The following CCDC3 variants were observed in gnomAD, a reference collection of about 807,000 sequenced individuals.
CCDC3 encodes the protein coiled-coil domain-containing protein 3.
Under a neutral mutation model 21.4 loss-of-function variants are expected in CCDC3, and 24 were observed. The ratio of observed to expected loss-of-function variants is 1.12; its 90% CI spans 0.81 to 1.58. The LOEUF is 1.58. Ranked by LOEUF, CCDC3 falls within the 40% of genes most tolerant of loss-of-function variation. The pLI, the probability that CCDC3 is intolerant of heterozygous loss-of-function variation, is 0.00. For synonymous variants in CCDC3, 186 were observed against 166.0 expected (o/e 1.12, Z -0.93); for missense variants, 425 against 360.9 (o/e 1.18, Z -1.44).
At chr10:12,966,998 T>C (rs1020013748) in intron 2 of CCDC3, among the ~76,000 whole-genome samples, 2 of 152,218 alleles carry the variant, frequency 1.3e-5, no homozygotes, top group African/African-American at 4.8e-5. Flanking sequence ...TCCAGATCTC[T>C]TTTGCTGGAG....
At chr10:13,005,305 T>G (rs1046697034), upstream of CCDC3, among the ~76,000 whole-genome samples, 2 of 152,184 alleles carry the variant, frequency 1.3e-5, no homozygotes, top group Admixed American at 6.5e-5. Context: ...ACCATATGAG[T>G]GGAAGAGGCA....
chr10:12,931,028 T>C, intron 2 of CCDC3, among the ~76,000 whole-genome samples: 1 of 151,938 alleles, frequency 6.6e-6, no homozygotes, highest in East Asian at 1.9e-4. Flanking sequence ...CTGGCCAACA[T>C]GGCGAAACCC....
intron 2 of CCDC3, among the ~76,000 whole-genome samples, chr10:12,939,510 C>CT (rs1190398396): frequency 6.6e-6 from 1 of 152,108 alleles, no homozygotes. Flanking sequence ...GTAGTCCCAG[C>CT]TACTTGGGAG....
intron 2 of CCDC3, among the ~76,000 whole-genome samples, chr10:12,972,159 C>G (rs1835353043): frequency 2.0e-5 from 3 of 152,140 alleles, no homozygotes; most frequent in African/African-American, 7.2e-5. Context: ...ACAATCCAAC[C>G]AAGCTCACGC....
chr10:12,933,043 T>C (rs781172585), intron 2 of CCDC3, among the ~76,000 whole-genome samples: 26 of 152,264 alleles, frequency 1.7e-4, no homozygotes, highest in Non-Finnish European at 2.9e-4. Context: ...TTTTATATAC[T>C]GTTGGATTTG....
chr10:13,099,608 G>C (rs3829924), exon 1 of CCDC3: 2 of 152,094 alleles, frequency 1.3e-5, no homozygotes, highest in African/African-American at 2.4e-5. Flanking sequence ...TCCGCAACAA[G>C]AGCCCAAGAA....
chr10:12,965,318 G>C (rs1835245139), intron 2 of CCDC3, among the ~76,000 whole-genome samples: 1 of 152,050 alleles, frequency 6.6e-6, no homozygotes, highest in Admixed American at 6.6e-5. Flanking sequence ...TCTGCCTGTT[G>C]TCAGTTTATT....
chr10:12,905,939 CAT>C (rs1479364396), intron 2 of CCDC3, among the ~76,000 whole-genome samples: 1 of 152,222 alleles, frequency 6.6e-6, no homozygotes, highest in Admixed American at 6.5e-5. Context: ...TCATTATCCA[CAT>C]GATTCAGGGA....
At chr10:13,016,512 G>A (rs1836064260) in intron 5 of CCDC3, among the ~76,000 whole-genome samples, 1 of 151,994 alleles carries the variant, frequency 6.6e-6, no homozygotes, top group South Asian at 2.1e-4. Flanking sequence ...CAACGTAAAT[G>A]TTAACTCATT....
intron 2 of CCDC3, among the ~76,000 whole-genome samples, chr10:12,988,178 A>G (rs1218265360): frequency 1.3e-5 from 2 of 151,462 alleles, no homozygotes; most frequent in African/African-American, 4.9e-5. Flanking sequence ...GCTCATTCCT[A>G]TTTTTCCACC....
intron 2 of CCDC3, among the ~76,000 whole-genome samples, chr10:12,977,936 G>A (rs778538083): frequency 2.0e-5 from 3 of 152,130 alleles, no homozygotes; most frequent in Non-Finnish European, 4.4e-5. Flanking sequence ...GGGCTTGTGC[G>A]TGGATGGCGT....
intron 2 of CCDC3, among the ~76,000 whole-genome samples, chr10:12,967,309 G>T (rs1320994287): frequency 6.6e-6 from 1 of 152,062 alleles, no homozygotes; most frequent in East Asian, 1.9e-4. Context: ...TTCTTTTGGT[G>T]GTGTTATAAT....
At chr10:12,998,280 A>C in intron 2 of CCDC3, 58 bp downstream of exon 2, 1 of 1,553,192 alleles carries the variant, frequency 6.4e-7, no homozygotes, top group South Asian at 1.2e-5. Flanking sequence ...CACAAAATTC[A>C]CACAAGGTGT....
intron 2 of CCDC3, among the ~76,000 whole-genome samples, chr10:12,912,939 C>T (rs541989506): frequency 1.2e-4 from 18 of 152,278 alleles, no homozygotes; most frequent in African/African-American, 1.7e-4. Flanking sequence ...TATTTCTTGG[C>T]GCTCTATTCT....
intron 2 of CCDC3, among the ~76,000 whole-genome samples, chr10:12,956,431 T>C (rs1038535299): frequency 6.6e-6 from 1 of 152,204 alleles, no homozygotes; most frequent in Non-Finnish European, 1.5e-5. Flanking sequence ...GCCATAAACC[T>C]AATGGCTGCT....
At chr10:13,072,575 G>T (rs1836896324) in intron 4 of CCDC3, among the ~76,000 whole-genome samples, 2 of 152,172 alleles carry the variant, frequency 1.3e-5, no homozygotes, top group Non-Finnish European at 1.5e-5. Flanking sequence ...GCCACAGGCA[G>T]GGGGAGGAGC....
intron 2 of CCDC3, among the ~76,000 whole-genome samples, chr10:12,973,891 G>C (rs1210867467): frequency 1.3e-5 from 2 of 150,050 alleles, no homozygotes; most frequent in African/African-American, 4.9e-5. Flanking sequence ...GAAGGCATTA[G>C]GAGACCTGGA....
intron 3 of CCDC3, among the ~76,000 whole-genome samples, chr10:13,082,514 C>G (rs1837054983): frequency 6.6e-6 from 1 of 152,224 alleles, no homozygotes; most frequent in African/African-American, 2.4e-5. Flanking sequence ...TGGCTGCGGG[C>G]AGGCCTGTCT....
chr10:12,998,268 G>A lies in CCDC3; in HGVS notation c.549+70C>T. On this transcript the variant is annotated intron_variant, in intron 2 of 2. Transcript: ENST00000378825. Reference sequence around the variant, plus strand: ...TGGAAGAGTATTCTTGATTCCTTTGGTCACAAAATTCACACAAGGTGTAGC... The same window carrying A: ...TGGAAGAGTATTCTTGATTCCTTTGATCACAAAATTCACACAAGGTGTAGC... 5 of 1,522,324 alleles carry A rather than the reference G, an allele frequency of 3.3e-6. No individual in the cohort carries two copies. The South Asian group carries it at 6.3e-5, about 19-fold the overall frequency. The allele number at this position is 1,522,324 out of a possible 1,614,324, so 94.3% of individuals were successfully genotyped here.
Sources: allele counts gnomAD v4.1 joint callset (sites outside exome capture counted in the v4.1 genomes callset), GRCh38; gene constraint gnomAD v4.1.1; transcripts MANE v1.5; gene names NCBI Gene and HGNC (gene_info 2026-07-23, HGNC 2026-07-21).